Variants in EYS observed in about 807,000 individuals in gnomAD.
The protein encoded by EYS is EGF-like photoreceptor maintenance factor.
EYS carries 250 observed loss-of-function variants against 282.1 expected under a neutral mutation model. The observed-to-expected ratio is 0.89, with a 90% CI of 0.80 to 0.98. The LOEUF (loss-of-function observed/expected upper bound fraction) is 0.98. Among genes scored for constraint, EYS ranks in the 50% least tolerant of loss-of-function variants. EYS has a pLI of 0.00. For missense variants in EYS, 4,016 were observed against 3,709.0 expected (o/e 1.08, Z -2.15); for synonymous variants, 1,355 against 1,282.9 (o/e 1.06, Z -1.20).
chr6:65,609,275 G>T (rs1211372049), intron 2 of EYS, among the ~76,000 whole-genome samples: 1 of 150,134 alleles, frequency 6.7e-6, no homozygotes, highest in Non-Finnish European at 1.5e-5. Flanking sequence ...CTTAGTATAT[G>T]TGGTCCATCC....
intron 12 of EYS, among the ~76,000 whole-genome samples, chr6:65,257,907 A>G (rs1358084302): frequency 6.6e-6 from 1 of 151,966 alleles, no homozygotes; most frequent in Non-Finnish European, 1.5e-5. Flanking sequence ...TATAGTTAAA[A>G]TGAAAAAGAT....
intron 1 of EYS, among the ~76,000 whole-genome samples, chr6:65,659,797 G>A (rs1358588727): frequency 7.3e-5 from 11 of 151,480 alleles, no homozygotes; most frequent in Admixed American, 4.0e-4. Context: ...TCTATGTACA[G>A]TATTCCATTA....
chr6:64,795,359 G>T (rs964742627), intron 22 of EYS, among the ~76,000 whole-genome samples: 11 of 152,056 alleles, frequency 7.2e-5, no homozygotes, highest in African/African-American at 2.7e-4. Flanking sequence ...GTGGGTGGTT[G>T]GTTGAAAATA....
chr6:65,090,836 A>G (rs1215438276), intron 12 of EYS, among the ~76,000 whole-genome samples: 1 of 152,048 alleles, frequency 6.6e-6, no homozygotes, highest in African/African-American at 2.4e-5. Context: ...TGACATCCCT[A>G]CACTGTCATT....
intron 30 of EYS, among the ~76,000 whole-genome samples, chr6:64,239,704 T>A (rs1424474713): frequency 2.0e-5 from 3 of 152,138 alleles, no homozygotes; most frequent in Non-Finnish European, 4.4e-5. Context: ...TTCTGTTGGT[T>A]GCCTGTTCAC....
chr6:64,435,821 T>C (rs576918619), intron 28 of EYS, among the ~76,000 whole-genome samples: 1 of 152,012 alleles, frequency 6.6e-6, no homozygotes, highest in South Asian at 2.1e-4. Flanking sequence ...TCCTTCTTTA[T>C]GCTTTTCTGG....
chr6:65,634,947 T>C (rs1462939849), intron 2 of EYS, among the ~76,000 whole-genome samples: 2 of 152,324 alleles, frequency 1.3e-5, no homozygotes, highest in South Asian at 2.1e-4. Flanking sequence ...ATGCCTCTTA[T>C]TAAAAATCAA....
chr6:64,787,024 T>A (rs1344842031), intron 22 of EYS, among the ~76,000 whole-genome samples: 1 of 152,190 alleles, frequency 6.6e-6, no homozygotes, highest in Non-Finnish European at 1.5e-5. Flanking sequence ...GGCAATAGCA[T>A]GCAATCCAAT....
chr6:64,313,606 G>C (rs1235282161), intron 29 of EYS, among the ~76,000 whole-genome samples: 1 of 152,102 alleles, frequency 6.6e-6, no homozygotes, highest in African/African-American at 2.4e-5. Context: ...TTGAAAAGAA[G>C]GCAAAAATGT....
chr6:63,915,902 G>A (rs978840818), intron 35 of EYS, among the ~76,000 whole-genome samples: 5 of 152,292 alleles, frequency 3.3e-5, no homozygotes, highest in African/African-American at 1.2e-4. Flanking sequence ...GAGCAAAGAT[G>A]TTGGTCCCTT....
intron 26 of EYS, among the ~76,000 whole-genome samples, chr6:64,482,807 A>T (rs1397952129): frequency 6.6e-6 from 1 of 151,618 alleles, no homozygotes; most frequent in Non-Finnish European, 1.5e-5. Flanking sequence ...GTAGCTAACA[A>T]TTTTTTTACC....
chr6:64,336,451 C>T (rs990866322), intron 29 of EYS, among the ~76,000 whole-genome samples: 1 of 152,144 alleles, frequency 6.6e-6, no homozygotes, highest in South Asian at 2.1e-4. Context: ...ATGCACCGAA[C>T]ACTGGAGCTC....
chr6:64,582,914 A>G (rs1766119949), intron 26 of EYS, among the ~76,000 whole-genome samples: 1 of 152,196 alleles, frequency 6.6e-6, no homozygotes, highest in East Asian at 1.9e-4. Context: ...TTCTGATCTT[A>G]TTGCTCCTGT....
chr6:65,086,473 A>G (rs539950944), intron 12 of EYS, among the ~76,000 whole-genome samples: 6 of 152,252 alleles, frequency 3.9e-5, no homozygotes, highest in Non-Finnish European at 7.4e-5. Context: ...TGTGTATAGC[A>G]TAGATCACAT....
rs1033299573 is a variant in EYS, at chr6:63,907,991, C to T, written c.7056-43633G>A. 5.7e-5 allele frequency among the ~76,000 whole-genome samples: 4 copies of T among 70,284 alleles called. No homozygotes were observed. The Admixed American group carries it at 6.3e-4, about 11-fold the overall frequency. 46.1% of individuals were successfully genotyped at this position (70,284 alleles called of 152,430 possible). ...ATAGTATTGACTGTATATATGTACA[C>T]ACACACACACACACACAAACGTATA... On this transcript the variant is annotated intron_variant, in intron 35 of 42. Coordinates refer to ENST00000503581, the MANE Select transcript of EYS (RefSeq NM_001142800.2).
At chr6:64,609,476 G>C (rs1442514257) in intron 24 of EYS, among the ~76,000 whole-genome samples, 1 of 152,204 alleles carries the variant, frequency 6.6e-6, no homozygotes, top group East Asian at 1.9e-4. Context: ...AGTGAGGCTA[G>C]AGAAGTTATC....
At chr6:65,540,924 CA>C in intron 2 of EYS, among the ~76,000 whole-genome samples, 1 of 151,898 alleles carries the variant, frequency 6.6e-6, no homozygotes, top group Non-Finnish European at 1.5e-5. Context: ...GACTCTATCT[CA>C]AAAAAATTAG....
intron 13 of EYS, among the ~76,000 whole-genome samples, chr6:65,048,924 G>T (rs1773185545): frequency 6.6e-6 from 1 of 151,758 alleles, no homozygotes; most frequent in Non-Finnish European, 1.5e-5. Flanking sequence ...ATAGACCACA[G>T]CTTGATTTCT....
intron 36 of EYS, among the ~76,000 whole-genome samples, chr6:63,815,921 A>G (rs1771166378): frequency 6.6e-6 from 1 of 152,114 alleles, no homozygotes; most frequent in Admixed American, 6.6e-5. Flanking sequence ...AGCAGTATGT[A>G]CTCTAATCAT....
Sources: gnomAD v4.1 joint callset for allele counts (sites outside exome capture counted in the v4.1 genomes callset) on GRCh38, gnomAD v4.1.1 for gene constraint, MANE v1.5 for transcripts, NCBI Gene and HGNC (gene_info 2026-07-23, HGNC 2026-07-21) for gene names.